NDUFAF1: variants seen among roughly 807,000 people sequenced by gnomAD.
The protein encoded by NDUFAF1 is NADH:ubiquinone oxidoreductase complex assembly factor 1.
In NDUFAF1, 18 loss-of-function variants were observed where a neutral mutation model predicts 28.7. The observed-to-expected ratio is 0.63, with a 90% CI of 0.43 to 0.93. NDUFAF1 has a LOEUF of 0.93. Ranked by LOEUF, NDUFAF1 falls within the 40% of genes least tolerant of loss-of-function variation. The probability of loss-of-function intolerance (pLI) is 0.00; values close to 1 mark genes in which losing one functional copy is unlikely to be tolerated. For missense variants in NDUFAF1, 404 were observed against 398.3 expected, an observed-to-expected ratio of 1.01 and a Z score of -0.12; for synonymous variants, 113 against 139.7, an observed-to-expected ratio of 0.81 and a Z score of 1.35.
chr15:41,390,524 G>A (rs1451080982), intron 3 of NDUFAF1, among the ~76,000 whole-genome samples: 1 of 151,912 alleles, frequency 6.6e-6, no homozygotes, highest in African/African-American at 2.4e-5. Flanking sequence ...AGGAGATCAA[G>A]ACCATTCTGG....
At chr15:41,397,880 C>G (rs1381873430) in intron 1 of NDUFAF1, among the ~76,000 whole-genome samples, 1 of 150,214 alleles carries the variant, frequency 6.7e-6, no homozygotes, top group Non-Finnish European at 1.5e-5. Flanking sequence ...CAAAACTTAG[C>G]TGGGTGTGGT....
chr15:41,393,592 T>TTTTC (rs1312805383), intron 3 of NDUFAF1, among the ~76,000 whole-genome samples: 2 of 148,314 alleles, frequency 1.3e-5, no homozygotes, highest in African/African-American at 5.0e-5. Context: ...GGCCGGCCTT[T>TTTTC]TTTTTTTTGA....
chr15:41,402,708 G>A (rs2140934994), upstream of NDUFAF1, among the ~76,000 whole-genome samples: 1 of 151,490 alleles, frequency 6.6e-6, no homozygotes, highest in Middle Eastern at 3.4e-3. Context: ...CCTTTCAGGC[G>A]GCAAACTCCA....
In NDUFAF1 at chr15:41,397,160, GAA is replaced by G; in HGVS notation, c.-81-22_-81-21del. The G allele has an allele frequency of 1.1e-6, 1 of 934,364 alleles. No individual in the cohort carries two copies. Among genetic ancestry groups the G allele is most frequent in the South Asian group, 1.5e-5 (1 of 68,580 alleles). 57.9% of individuals were successfully genotyped at this position (934,364 alleles called of 1,614,324 possible). A position where few individuals can be genotyped will look rare whatever the true frequency, so the allele number is the denominator to read the frequency against. On this transcript the variant is annotated intron_variant, in intron 1 of 4. Transcript: ENST00000260361. ...TTCTACCTATAACAGAAGAGACATT[GAA>G]GAATTATCAGCATAGCAATGAATGC...
intron 3 of NDUFAF1, among the ~76,000 whole-genome samples, chr15:41,390,342 A>G (rs2050300787): frequency 6.6e-6 from 1 of 152,232 alleles, no homozygotes; most frequent in Non-Finnish European, 1.5e-5. Context: ...GTTGTAAACA[A>G]TAGTTCAGTG....
At position 41,396,481 on chromosome 15, in the gene NDUFAF1, A is replaced by C; in HGVS notation, c.573+6T>G. ...TAGAAAACGATGGCTCCTGGGCCTC[A>C]CCTACCCTTGGAATCCTGGATATCA... On this transcript the variant is annotated splice_donor_region_variant and intron_variant, in intron 2 of 4. Transcript: ENST00000260361. 6.2e-7 allele frequency: 1 copy of C among 1,613,942 alleles called. No homozygotes were observed. The highest frequency in any genetic ancestry group is 1.1e-5 in the South Asian group (1 of 91,082).
intron 3 of NDUFAF1, among the ~76,000 whole-genome samples, chr15:41,389,757 C>T (rs1360812692): frequency 6.6e-6 from 1 of 151,706 alleles, no homozygotes; most frequent in East Asian, 1.9e-4. Context: ...AGAAGAGAGA[C>T]CCTGTCTCAA....
chr15:41,399,976 C>A (rs929759833), intron 1 of NDUFAF1, among the ~76,000 whole-genome samples: 3 of 151,768 alleles, frequency 2.0e-5, no homozygotes, highest in African/African-American at 7.3e-5. Flanking sequence ...AGGAAAATCG[C>A]TTGAACCCAG....
chr15:41,394,798 G>A (rs907702879), intron 3 of NDUFAF1, 61 bp downstream of exon 3: 43 of 1,572,722 alleles, frequency 2.7e-5, no homozygotes, highest in East Asian at 9.0e-5. Context: ...GATTATAGGC[G>A]TGAGCCACCT....
chr15:41,393,426 G>A (rs1216124645), intron 3 of NDUFAF1, among the ~76,000 whole-genome samples: 2 of 146,354 alleles, frequency 1.4e-5, no homozygotes, highest in South Asian at 4.3e-4. Context: ...TGGGACTACA[G>A]GCACCTGCCA....
chr15:41,392,990 G>A (rs1418781553), intron 3 of NDUFAF1, among the ~76,000 whole-genome samples: 1 of 152,080 alleles, frequency 6.6e-6, no homozygotes, highest in Non-Finnish European at 1.5e-5. Context: ...GCTAGAAATG[G>A]TCAGCTGCTG....
intron 1 of NDUFAF1, among the ~76,000 whole-genome samples, chr15:41,398,533 C>T (rs775757643): frequency 3.3e-5 from 5 of 151,530 alleles, no homozygotes; most frequent in East Asian, 3.9e-4. Context: ...CAGGCTGCAG[C>T]GCCGTGGCAA....
intron 3 of NDUFAF1, among the ~76,000 whole-genome samples, chr15:41,389,399 A>C (rs989057198): frequency 2.0e-5 from 3 of 151,992 alleles, no homozygotes; most frequent in African/African-American, 7.3e-5. Flanking sequence ...GAAGCTCTCC[A>C]GGATATATTC....
intron 3 of NDUFAF1, among the ~76,000 whole-genome samples, chr15:41,390,423 A>G (rs1368559795): frequency 6.6e-6 from 1 of 152,226 alleles, no homozygotes; most frequent in Non-Finnish European, 1.5e-5. Flanking sequence ...TAGAAGATAC[A>G]TATTAAAAAT....
At chr15:41,402,046 T>A in intron 1 of NDUFAF1, 98 bp downstream of exon 1, 1 of 275,200 alleles carries the variant, frequency 3.6e-6, no homozygotes, top group South Asian at 3.3e-5. Flanking sequence ...TCTAAACTAT[T>A]AACTGGACAA....
At chr15:41,401,717 C>T (rs1211544967) in intron 1 of NDUFAF1, among the ~76,000 whole-genome samples, 2 of 152,102 alleles carry the variant, frequency 1.3e-5, no homozygotes, top group South Asian at 2.1e-4. Context: ...TGAGCCACCG[C>T]GCCCAGCCGA....
chr15:41,401,105 G>A (rs1429937885), intron 1 of NDUFAF1, among the ~76,000 whole-genome samples: 2 of 151,470 alleles, frequency 1.3e-5, no homozygotes, highest in Non-Finnish European at 1.5e-5. Flanking sequence ...ACAGGCGGGC[G>A]CCACCATGCC....
At chr15:41,395,638 G>A (rs2050376458) in intron 2 of NDUFAF1, among the ~76,000 whole-genome samples, 2 of 150,408 alleles carry the variant, frequency 1.3e-5, no homozygotes, top group South Asian at 2.1e-4. Flanking sequence ...CCAAAGTGTG[G>A]GGATTACAGG....
chr15:41,393,053 G>A (rs1207242311), intron 3 of NDUFAF1, among the ~76,000 whole-genome samples: 2 of 152,024 alleles, frequency 1.3e-5, no homozygotes, highest in East Asian at 3.9e-4. Context: ...TGGATGTGGG[G>A]CAAAGGAGAA....
Sources: gnomAD v4.1 joint callset for allele counts (sites outside exome capture counted in the v4.1 genomes callset) on GRCh38, gnomAD v4.1.1 for gene constraint, MANE v1.5 for transcripts, NCBI Gene and HGNC (gene_info 2026-07-23, HGNC 2026-07-21) for gene names.